The following HAUS2 variants were observed in gnomAD, a reference collection of about 807,000 sequenced individuals.
HAUS2 encodes HAUS augmin-like complex subunit 2.
HAUS2 carries 20 observed loss-of-function variants against 21.6 expected under a neutral mutation model. The ratio of observed to expected loss-of-function variants is 0.93; its 90% CI spans 0.65 to 1.35. The LOEUF (loss-of-function observed/expected upper bound fraction) is 1.35, where lower values mean the gene tolerates loss of function less well. HAUS2 is among the 40% of genes most tolerant of loss of function. HAUS2 has a pLI of 0.00. For missense variants in HAUS2, 297 were observed against 280.7 expected, an observed-to-expected ratio of 1.06 and a Z score of -0.42; for synonymous variants, 113 against 95.6, an observed-to-expected ratio of 1.18 and a Z score of -1.06.
At position 42,548,868 on chromosome 15, in the gene HAUS2, G is replaced by T. The variant is rs747462059; in HGVS notation, c.-5G>T. ...TGGCGCCTTCGCGGAAGGTGCGTCC[G>T]AGCCATGGCCGCTGCCAACCCGTGG... On this transcript the variant is annotated 5_prime_UTR_variant, in exon 1 of 6. Coordinates refer to ENST00000260372, the MANE Select transcript of HAUS2 (RefSeq NM_018097.3). 6.5e-7 allele frequency: 1 copy of T among 1,547,722 alleles called. No homozygotes were observed. Among genetic ancestry groups the T allele is most frequent in the South Asian group, 1.2e-5 (1 of 83,926 alleles).
Position 42,563,824 on chromosome 15 carries a change from T to C in HAUS2, c.465T>C (p.Asn155=), listed in dbSNP as rs377415518. 1 of 1,552,152 alleles carries C rather than the reference T, an allele frequency of 6.4e-7. No individual in the cohort carries two copies. The highest frequency in any genetic ancestry group is 8.8e-7 in the Non-Finnish European group (1 of 1,131,738). ...RLETHLETIR[N]IPHLAANLKK... is the part of the protein sequence containing the mutation. ...AAACCCACCTTGAAACAATTAGAAA[T>C]ATTCCTCATTTAGCTGCAAATCTAA... is the stretch of plus-strand genomic sequence containing the variant. Residue 155 remains asparagine, a synonymous_variant, in exon 5 of 6, where the codon AAT becomes AAC. Transcript: ENST00000260372.
chr15:42,566,785 A>G lies in HAUS2; in HGVS notation c.677A>G (p.Lys226Arg). 1 of 1,541,444 alleles carries G rather than the reference A, an allele frequency of 6.5e-7. No individual in the cohort carries two copies. The highest frequency in any genetic ancestry group is 9.0e-7 in the Non-Finnish European group (1 of 1,114,168). Reference sequence around the variant, plus strand: ...ATGCCTCCTTTACCTTTTACTTCTAAAGTTCATGTCCAAACTATTAATGCC... The same window carrying G: ...ATGCCTCCTTTACCTTTTACTTCTAGAGTTCATGTCCAAACTATTAATGCC... ...IIMPPLPFTS[K>R]VHVQTINAK The change falls in exon 6 of 6, where the codon AAA becomes AGA. Residue 226 changes from lysine to arginine, a missense_variant. Lys to Arg is a conservative substitution (Grantham distance 26, BLOSUM62 2). Transcript: ENST00000260372.
chr15:42,554,101 C>G (rs893474873), intron 1 of HAUS2, among the ~76,000 whole-genome samples: 2 of 152,188 alleles, frequency 1.3e-5, no homozygotes, highest in African/African-American at 4.8e-5. Flanking sequence ...TAAGATTTGT[C>G]AATTCCATCT....
chr15:42,564,938 C>T (rs1325990872), intron 5 of HAUS2, among the ~76,000 whole-genome samples: 5 of 152,208 alleles, frequency 3.3e-5, no homozygotes, highest in Non-Finnish European at 4.4e-5. Context: ...TGGGTTCAAG[C>T]GATTCTCCTG....
Position 42,567,007 on chromosome 15 carries a change from C to A in HAUS2, c.*191C>A. 2 of 428,804 alleles carry A rather than the reference C, an allele frequency of 4.7e-6. No individual in the cohort carries two copies. The highest frequency in any genetic ancestry group is 3.3e-5 in the South Asian group (1 of 29,880). The allele number at this position is 428,804 out of a possible 1,614,324, so 26.6% of individuals were successfully genotyped here. A position where few individuals can be genotyped will look rare whatever the true frequency, so the allele number is the denominator to read the frequency against. On this transcript the variant is annotated 3_prime_UTR_variant, in exon 6 of 6. Transcript: ENST00000260372. ...TTGTTTTTCATATATTTTTATTCTACCTTTCAGTAAAACTAGAGAAGCTAA... is the reference window on the plus strand; with the variant it reads ...TTGTTTTTCATATATTTTTATTCTAACTTTCAGTAAAACTAGAGAAGCTAA...
chr15:42,560,386 T>G (rs1438558345), intron 3 of HAUS2, among the ~76,000 whole-genome samples: 2 of 145,292 alleles, frequency 1.4e-5, no homozygotes, highest in South Asian at 2.2e-4. Context: ...CAGCAAAAAT[T>G]AGAGAGAGAG....
intron 4 of HAUS2, among the ~76,000 whole-genome samples, chr15:42,563,170 A>C (rs912272830): frequency 5.9e-5 from 9 of 151,820 alleles, no homozygotes; most frequent in African/African-American, 2.2e-4. Flanking sequence ...TAATCCCAGC[A>C]CTTTGGGAGG....
At chr15:42,549,431 T>A (rs56397454) in intron 1 of HAUS2, among the ~76,000 whole-genome samples, 1 of 151,778 alleles carries the variant, frequency 6.6e-6, no homozygotes, top group Non-Finnish European at 1.5e-5. Flanking sequence ...TTGACATTTT[T>A]ATTTTATTTT....
Position 42,561,321 on chromosome 15 carries a change from T to G in HAUS2, c.308T>G (p.Leu103Arg). The G allele has an allele frequency of 6.4e-7, 1 of 1,569,520 alleles. No homozygotes were observed. Among genetic ancestry groups the G allele is most frequent in the Non-Finnish European group, 8.8e-7 (1 of 1,139,354 alleles). Reference sequence around the variant, plus strand: ...ATGAATAATCATTTGGAAGCAGTGCTGAAAGAGAAGAGATCCCTTAGGCAA... The same window carrying G: ...ATGAATAATCATTTGGAAGCAGTGCGGAAAGAGAAGAGATCCCTTAGGCAA... ...QSMNNHLEAV[L>R]KEKRSLRQRL... Residue 103 changes from leucine to arginine, a missense_variant, in exon 4 of 6, where the codon CTG becomes CGG. Coordinates refer to ENST00000260372, the MANE Select transcript of HAUS2 (RefSeq NM_018097.3).
At chr15:42,557,320 T>TATATATATTATATATA in intron 1 of HAUS2, among the ~76,000 whole-genome samples, 1 of 52,282 alleles carries the variant, frequency 1.9e-5, no homozygotes, top group South Asian at 5.8e-4. Flanking sequence ...CATTTAAAAA[T>TATATATATTATATATA]ATATATATTA....
chr15:42,562,858 C>T (rs1255311962), intron 4 of HAUS2, among the ~76,000 whole-genome samples: 4 of 152,130 alleles, frequency 2.6e-5, no homozygotes, highest in African/African-American at 7.2e-5. Context: ...CCTGTAATCC[C>T]GGTAATTTGG....
At chr15:42,551,526 A>G (rs2057725045) in intron 1 of HAUS2, among the ~76,000 whole-genome samples, 1 of 151,986 alleles carries the variant, frequency 6.6e-6, no homozygotes, top group South Asian at 2.1e-4. Context: ...CTGTAATCCC[A>G]GCTACTCGGG....
In HAUS2 at chr15:42,563,963, T is replaced by A. The variant is rs956736555; in HGVS notation, c.498+106T>A. On this transcript the variant is annotated intron_variant, in intron 5 of 5. Coordinates refer to ENST00000260372, the MANE Select transcript of HAUS2 (RefSeq NM_018097.3). ...CTAATATTACGAGCTAGTTAATTTT[T>A]AAATCAAGAAGTATTTTCTTGGCCT... The A allele has an allele frequency of 5.8e-6, 4 of 694,694 alleles. No homozygotes were observed. In the African/African-American group the frequency reaches 7.4e-5, roughly 13 times the overall value. The allele number at this position is 694,694 out of a possible 1,614,324, so 43.0% of individuals were successfully genotyped here.
chr15:42,554,280 T>A (rs1331927987), intron 1 of HAUS2, among the ~76,000 whole-genome samples: 1 of 152,110 alleles, frequency 6.6e-6, no homozygotes, highest in Non-Finnish European at 1.5e-5. Context: ...TACCAGGGTT[T>A]TCCTTCTTTT....
Position 42,569,384 on chromosome 15 carries a change from G to C in HAUS2, c.*2568G>C, listed in dbSNP as rs1355504718. 2.7e-5 allele frequency: 4 copies of C among 147,806 alleles called. No individual in the cohort carries two copies. The highest frequency in any genetic ancestry group is 1.0e-4 in the African/African-American group (4 of 39,940). The allele number at this position is 147,806 out of a possible 1,614,324, so 9.2% of individuals were successfully genotyped here. A position where few individuals can be genotyped will look rare whatever the true frequency, so the allele number is the denominator to read the frequency against. On this transcript the variant is annotated 3_prime_UTR_variant, in exon 6 of 6. Transcript: ENST00000260372. ...GGTGTGGCCCAATCTTGACCTCACT[G>C]CAGCCTTGACCTCTCAGGCTCAAGT...
intron 1 of HAUS2, among the ~76,000 whole-genome samples, chr15:42,555,410 G>A (rs2057763069): frequency 6.6e-6 from 1 of 152,196 alleles, no homozygotes; most frequent in Non-Finnish European, 1.5e-5. Flanking sequence ...GATTACAGGT[G>A]TGAGCCATCA....
At chr15:42,560,704 T>A (rs1348252174) in intron 3 of HAUS2, 4 of 670,450 alleles carry the variant, frequency 6.0e-6, no homozygotes, top group Non-Finnish European at 8.1e-6. Context: ...TGGTTTCAAC[T>A]GATTCTCTCA....
intron 1 of HAUS2, among the ~76,000 whole-genome samples, chr15:42,549,643 G>A (rs977868723): frequency 1.3e-5 from 2 of 150,852 alleles, no homozygotes; most frequent in Non-Finnish European, 3.0e-5. Flanking sequence ...TAGAGACGGG[G>A]TTTCACCTTG....
rs370491082 is a variant in HAUS2 at position 42,566,844 on chromosome 15, G to A, written c.*28G>A. The A allele has an allele frequency of 2.2e-4, 239 of 1,073,888 alleles. 1 individual carries two copies. In the African/African-American group the frequency reaches 3.3e-3, roughly 15 times the overall value. The allele number at this position is 1,073,888 out of a possible 1,614,324, so 66.5% of individuals were successfully genotyped here. ...ATCAACTTTATTTTTGCTTAATTAT[G>A]TGTAGTCATATGAAGTCTATTTCTA... On this transcript the variant is annotated 3_prime_UTR_variant, in exon 6 of 6. Transcript: ENST00000260372.
Sources: allele counts gnomAD v4.1 joint callset (sites outside exome capture counted in the v4.1 genomes callset), GRCh38; gene constraint gnomAD v4.1.1; transcripts MANE v1.5; gene names NCBI Gene and HGNC (gene_info 2026-07-23, HGNC 2026-07-21).